TMEM233: variants seen among roughly 807,000 people sequenced by gnomAD.
TMEM233 encodes transmembrane protein 233, also known as dispanin subfamily B member 2.
In TMEM233, 6 loss-of-function variants were observed where a neutral mutation model predicts 11.2. The ratio of observed to expected loss-of-function variants is 0.54; its 90% confidence interval spans 0.29 to 1.06. The LOEUF (loss-of-function observed/expected upper bound fraction) is 1.06, where lower values mean the gene tolerates loss of function less well. Among genes scored for constraint, TMEM233 ranks in the 50% least tolerant of loss-of-function variants. TMEM233 has a pLI of 0.08. For synonymous variants in TMEM233, 59 were observed against 55.8 expected, an observed-to-expected ratio of 1.06 and a Z score of -0.26; for missense variants, 127 against 144.7, an observed-to-expected ratio of 0.88 and a Z score of 0.63.
intron 1 of TMEM233, among the ~76,000 whole-genome samples, chr12:119,605,355 A>G (rs1460040539): frequency 6.7e-6 from 1 of 149,608 alleles, no homozygotes; most frequent in East Asian, 2.0e-4. Flanking sequence ...AACAAAATCA[A>G]CCATGACAGT....
At chr12:119,608,969 T>A (rs1452204780) in intron 1 of TMEM233, among the ~76,000 whole-genome samples, 1 of 152,134 alleles carries the variant, frequency 6.6e-6, no homozygotes, top group Non-Finnish European at 1.5e-5. Flanking sequence ...AGTGGGGCGC[T>A]GCTATAAGGA....
intron 1 of TMEM233, among the ~76,000 whole-genome samples, chr12:119,625,461 G>A (rs1026638017): frequency 6.7e-5 from 10 of 150,028 alleles, no homozygotes; most frequent in South Asian, 6.3e-4. Context: ...CCTCAAACTC[G>A]TGGGCTCAGG....
At chr12:119,636,843 G>C (rs1320287531) in intron 2 of TMEM233, among the ~76,000 whole-genome samples, 2 of 152,190 alleles carry the variant, frequency 1.3e-5, no homozygotes, top group South Asian at 2.1e-4. Flanking sequence ...GGTGAGCTTT[G>C]AGTATAATCA....
chr12:119,644,432 T>C (rs1249352676), downstream of TMEM233, among the ~76,000 whole-genome samples: 2 of 151,816 alleles, frequency 1.3e-5, no homozygotes, highest in African/African-American at 4.8e-5. Flanking sequence ...TTACTATACC[T>C]TCCATATGCA....
chr12:119,613,665 A>T (rs960446884), intron 1 of TMEM233, among the ~76,000 whole-genome samples: 7 of 152,052 alleles, frequency 4.6e-5, no homozygotes, highest in South Asian at 2.1e-4. Context: ...AAATGAAAAA[A>T]TTAGTCGGGC....
intron 2 of TMEM233, among the ~76,000 whole-genome samples, chr12:119,636,604 C>T (rs1325196607): frequency 6.6e-6 from 1 of 152,170 alleles, no homozygotes. Context: ...CAGGGTTGAG[C>T]CACCACACCC....
At chr12:119,605,956 C>G (rs193158602) in intron 1 of TMEM233, among the ~76,000 whole-genome samples, 8 of 152,142 alleles carry the variant, frequency 5.3e-5, no homozygotes, top group Admixed American at 3.9e-4. Context: ...AGAAGAGAGA[C>G]GAGCATGAAT....
At chr12:119,648,169 C>T in the TMEM233 span, among the ~76,000 whole-genome samples, 3 of 152,218 alleles carry the variant, frequency 2.0e-5, no homozygotes, top group Non-Finnish European at 2.9e-5. Context: ...CACCCCACCC[C>T]TCATCACTTG....
rs1044304290 is a variant in TMEM233 at position 119,629,904 on chromosome 12, C to G, written c.323+32C>G. 7 of 1,541,310 alleles carry G rather than the reference C, an allele frequency of 4.5e-6. No homozygotes were observed. The South Asian group carries it at 7.3e-5, about 16-fold the overall frequency. On this transcript the variant is annotated intron_variant, in intron 2 of 2. Transcript: ENST00000426426. The stretch of plus-strand genomic sequence containing the variant: ...AGGCTTTTTGAATCCCTCCCCATGT[C>G]AAACGCCCTTTCTCGAACGCCCGTT...
At chr12:119,602,496 A>T (rs1261938684) in intron 1 of TMEM233, among the ~76,000 whole-genome samples, 1 of 152,214 alleles carries the variant, frequency 6.6e-6, no homozygotes, top group Non-Finnish European at 1.5e-5. Flanking sequence ...AAGAGCATTC[A>T]GATGGTTCCA....
Position 119,626,480 on chromosome 12 carries a change from A to AT in TMEM233, c.187-3256_187-3255insT, listed in dbSNP as rs1954760117. On this transcript the variant is annotated intron_variant, in intron 1 of 2. Transcript: ENST00000426426. ...GCAAGACTCCGTCTCCGGAAAAAAAAAAAAAAGAAGAAAAAGGAGGAGGAG... is the reference window on the plus strand; with the variant it reads ...GCAAGACTCCGTCTCCGGAAAAAAAATAAAAAAGAAGAAAAAGGAGGAGGAG... 1.9e-5 allele frequency among the ~76,000 whole-genome samples: 2 copies of AT among 106,626 alleles called. 1 individual carries two copies. The highest frequency in any genetic ancestry group is 3.8e-5 in the Non-Finnish European group (2 of 51,986). 70.0% of individuals were successfully genotyped at this position (106,626 alleles called of 152,430 possible).
chr12:119,653,646 G>GA, the TMEM233 span, among the ~76,000 whole-genome samples: 1 of 151,766 alleles, frequency 6.6e-6, no homozygotes, highest in Non-Finnish European at 1.5e-5. Flanking sequence ...AAAAACCCCT[G>GA]AAAATCCTAG....
chr12:119,629,772 G>A lies in TMEM233; in HGVS notation c.223G>A (p.Ala75Thr). 2 of 1,551,652 alleles carry A rather than the reference G, an allele frequency of 1.3e-6. No individual in the cohort carries two copies. Among genetic ancestry groups the A allele is most frequent in the Non-Finnish European group, 1.7e-6 (2 of 1,146,958 alleles). Residue 75 changes from alanine (A) to threonine (T), a missense_variant, in exon 2 of 3, where the codon GCC becomes ACC. Coordinates refer to ENST00000426426, the MANE Select transcript of TMEM233 (RefSeq NM_001136534.3). Reference protein sequence around the residue: ...NSYNDGDYEGARRLGRNAKWV... With the variant: ...NSYNDGDYEGTRRLGRNAKWV... ...CTACAACGATGGAGACTACGAAGGA[G>A]CCAGGCGGCTTGGGCGGAATGCTAA...
chr12:119,618,882 G>T (rs1479060970), intron 1 of TMEM233, among the ~76,000 whole-genome samples: 6 of 152,186 alleles, frequency 3.9e-5, no homozygotes, highest in Non-Finnish European at 7.3e-5. Flanking sequence ...GGAAAGGCAT[G>T]ATTTTGTCTT....
intron 1 of TMEM233, among the ~76,000 whole-genome samples, chr12:119,613,631 T>C (rs1954458182): frequency 6.6e-6 from 1 of 151,946 alleles, no homozygotes; most frequent in African/African-American, 2.4e-5. Context: ...CTGGGCAACA[T>C]AGCAAGACCC....
the TMEM233 span, among the ~76,000 whole-genome samples, chr12:119,648,640 T>A: frequency 6.6e-6 from 1 of 152,232 alleles, no homozygotes; most frequent in Admixed American, 6.5e-5. Flanking sequence ...TCCCAGCAGA[T>A]CATGAGCCCC....
intron 1 of TMEM233, among the ~76,000 whole-genome samples, chr12:119,600,989 T>C (rs1474450459): frequency 6.6e-6 from 1 of 152,078 alleles, no homozygotes; most frequent in African/African-American, 2.4e-5. Flanking sequence ...GAGGAAAATA[T>C]TCTCCAAAAA....
intron 1 of TMEM233, among the ~76,000 whole-genome samples, chr12:119,611,837 C>T (rs1425999065): frequency 2.0e-5 from 3 of 152,162 alleles, no homozygotes; most frequent in Admixed American, 6.5e-5. Context: ...CCCAGCTCTG[C>T]TCTTATCCTA....
intron 1 of TMEM233, among the ~76,000 whole-genome samples, chr12:119,609,549 T>C (rs1345274548): frequency 6.6e-6 from 1 of 152,010 alleles, no homozygotes; most frequent in Non-Finnish European, 1.5e-5. Flanking sequence ...GGAAAAATGG[T>C]TTTATGGGCC....
Sources: gnomAD v4.1 joint callset for allele counts (sites outside exome capture counted in the v4.1 genomes callset) on GRCh38, gnomAD v4.1.1 for gene constraint, MANE v1.5 for transcripts, NCBI Gene and HGNC (gene_info 2026-07-23, HGNC 2026-07-21) for gene names.